The following POLR3G variants were observed in gnomAD, a reference collection of about 807,000 sequenced individuals.
POLR3G encodes RNA polymerase III subunit G, also known as DNA-directed RNA polymerase III subunit RPC7.
POLR3G carries 28 observed loss-of-function variants against 30.1 expected under a neutral mutation model. The observed-to-expected ratio is 0.93, with a 90% CI of 0.69 to 1.27. The LOEUF is 1.27. Ranked by LOEUF, POLR3G falls within the 50% of genes most tolerant of loss-of-function variation. The pLI is 0.00. For synonymous variants in POLR3G, 79 were observed against 82.5 expected (o/e 0.96, Z 0.23); for missense variants, 254 against 264.6 (o/e 0.96, Z 0.28).
chr5:90,479,536 C>G (rs1360555090), intron 1 of POLR3G, among the ~76,000 whole-genome samples: 1 of 152,064 alleles, frequency 6.6e-6, no homozygotes, highest in African/African-American at 2.4e-5. Context: ...TGGAAAAGAT[C>G]AATTTCCCAA....
chr5:90,479,107 A>G (rs748383456), intron 1 of POLR3G, among the ~76,000 whole-genome samples: 9 of 152,174 alleles, frequency 5.9e-5, no homozygotes, highest in Non-Finnish European at 1.2e-4. Flanking sequence ...CTTGACATTA[A>G]TTGTGGAGCT....
rs568968429 is a variant in POLR3G, at chr5:90,512,079, T to G, written c.612T>G (p.Phe204Leu). ...AAAATGACTACATTAATTCATACTT[T>G]GAAGATGGAGATGATTTTGGCGCAG... is the stretch of plus-strand genomic sequence containing the variant. ...EEENDYINSY[F>L]EDGDDFGADS... Residue 204 changes from phenylalanine to leucine, a missense_variant, in exon 8 of 8, where the codon TTT becomes TTG. Coordinates refer to ENST00000651687, the MANE Select transcript of POLR3G (RefSeq NM_006467.3). 5 of 1,607,186 alleles carry G rather than the reference T, an allele frequency of 3.1e-6. No individual in the cohort carries two copies. In the African/African-American group the frequency reaches 5.3e-5, roughly 17 times the overall value.
chr5:90,503,033 T>A (rs1752326892), intron 6 of POLR3G, among the ~76,000 whole-genome samples: 1 of 152,182 alleles, frequency 6.6e-6, no homozygotes, highest in South Asian at 2.1e-4. Flanking sequence ...ATTGTTACAT[T>A]GCTCTTTATG....
chr5:90,487,181 A>G (rs1751480803), intron 2 of POLR3G, among the ~76,000 whole-genome samples: 1 of 152,130 alleles, frequency 6.6e-6, no homozygotes, highest in African/African-American at 2.4e-5. Flanking sequence ...AAATATTGGT[A>G]GCCCTTTCAA....
At chr5:90,475,614 G>A (rs1467836295) in intron 1 of POLR3G, among the ~76,000 whole-genome samples, 1 of 152,010 alleles carries the variant, frequency 6.6e-6, no homozygotes, top group African/African-American at 2.4e-5. Flanking sequence ...TAATGACTGG[G>A]TGTGGCCCCG....
chr5:90,485,212 T>G (rs1212266246), intron 1 of POLR3G, among the ~76,000 whole-genome samples: 1 of 152,198 alleles, frequency 6.6e-6, no homozygotes, highest in Non-Finnish European at 1.5e-5. Flanking sequence ...CCTGGTCTTG[T>G]CTTGTGTCCA....
intron 3 of POLR3G, among the ~76,000 whole-genome samples, chr5:90,492,666 A>G (rs1751782824): frequency 6.6e-6 from 1 of 152,064 alleles, no homozygotes. Flanking sequence ...GTGGATCACG[A>G]GGTCAGGAGA....
At chr5:90,510,535 C>T (rs1240127770) in intron 7 of POLR3G, among the ~76,000 whole-genome samples, 1 of 152,120 alleles carries the variant, frequency 6.6e-6, no homozygotes, top group Non-Finnish European at 1.5e-5. Context: ...ACTTTATGTA[C>T]AAATCGGCTT....
At chr5:90,500,991 T>A (rs1752218211) in intron 5 of POLR3G, among the ~76,000 whole-genome samples, 1 of 152,086 alleles carries the variant, frequency 6.6e-6, no homozygotes, top group Non-Finnish European at 1.5e-5. Context: ...CCCTGCACTT[T>A]CAGAATAGCC....
At chr5:90,510,812 T>G (rs904086231) in intron 7 of POLR3G, among the ~76,000 whole-genome samples, 2 of 151,622 alleles carry the variant, frequency 1.3e-5, no homozygotes, top group Non-Finnish European at 2.9e-5. Context: ...CAGTGAATAA[T>G]GCATGTTACC....
At chr5:90,496,179 G>A (rs1413016376) in intron 4 of POLR3G, among the ~76,000 whole-genome samples, 6 of 151,736 alleles carry the variant, frequency 4.0e-5, no homozygotes, top group African/African-American at 1.2e-4. Flanking sequence ...CACCGTGTTC[G>A]CCAGAATGGT....
intron 1 of POLR3G, among the ~76,000 whole-genome samples, chr5:90,485,024 G>A (rs1020737031): frequency 7.3e-5 from 11 of 151,426 alleles, no homozygotes; most frequent in African/African-American, 2.7e-4. Flanking sequence ...TTTTTTCTTG[G>A]ACAGGCATCT....
At chr5:90,492,224 A>G (rs1055159768) in intron 3 of POLR3G, among the ~76,000 whole-genome samples, 7 of 152,202 alleles carry the variant, frequency 4.6e-5, no homozygotes, top group Non-Finnish European at 2.9e-5. Flanking sequence ...TCAAGAATCA[A>G]TGAGTAAACA....
chr5:90,507,860 G>A (rs1204235456), intron 7 of POLR3G, among the ~76,000 whole-genome samples: 2 of 152,028 alleles, frequency 1.3e-5, no homozygotes, highest in Middle Eastern at 3.2e-3. Context: ...GATTGAAACT[G>A]TCAGTACTTC....
intron 5 of POLR3G, among the ~76,000 whole-genome samples, chr5:90,498,630 G>C (rs1308890856): frequency 6.6e-6 from 1 of 152,138 alleles, no homozygotes; most frequent in East Asian, 1.9e-4. Flanking sequence ...CTTTTCATTT[G>C]CATAACTGCA....
At chr5:90,483,657 G>C (rs1345280983) in intron 1 of POLR3G, among the ~76,000 whole-genome samples, 2 of 151,986 alleles carry the variant, frequency 1.3e-5, no homozygotes, top group Non-Finnish European at 2.9e-5. Context: ...AAATAAGCCG[G>C]GCATGGTGGT....
chr5:90,511,038 T>C (rs928103395), intron 7 of POLR3G, among the ~76,000 whole-genome samples: 7 of 152,226 alleles, frequency 4.6e-5, no homozygotes, highest in Non-Finnish European at 8.8e-5. Flanking sequence ...GAAACACCCA[T>C]GGTCTTATCA....
rs1057261084 is a variant in POLR3G at position 90,497,672 on chromosome 5, A to G, written c.321A>G (p.Pro107=). ...EEWIPDWRRL[P]REMMPRNKCK... ...TATGTACAGATTGGAGAAGACTTCC[A>G]AGAGAGATGATGCCAAGAAATAAAT... The change falls in exon 5 of 8, where the codon CCA becomes CCG. Residue 107 remains proline, a synonymous_variant. Coordinates refer to ENST00000651687, the MANE Select transcript of POLR3G (RefSeq NM_006467.3). The G allele has an allele frequency of 3.1e-6, 5 of 1,604,208 alleles. No homozygotes were observed. In the Admixed American group the frequency reaches 5.2e-5, roughly 17 times the overall value.
chr5:90,511,543 C>A (rs932851997), intron 7 of POLR3G, among the ~76,000 whole-genome samples: 30 of 149,612 alleles, frequency 2.0e-4, no homozygotes, highest in African/African-American at 6.9e-4. Flanking sequence ...TATTCAGCCA[C>A]AAGAAAAAGA....
Sources: gnomAD v4.1 joint callset for allele counts (sites outside exome capture counted in the v4.1 genomes callset) on GRCh38, gnomAD v4.1.1 for gene constraint, MANE v1.5 for transcripts, NCBI Gene and HGNC (gene_info 2026-07-23, HGNC 2026-07-21) for gene names.